The following OR51B5 variants were observed in gnomAD, a reference collection of about 807,000 sequenced individuals.
OR51B5 encodes olfactory receptor family 51 subfamily B member 5, also known as olfactory receptor 51B5.
For synonymous variants in OR51B5, 186 were observed against 144.8 expected (o/e 1.28, Z -2.04); for missense variants, 456 against 374.6 (o/e 1.22, Z -1.79).
chr11:5,374,929 A>G (rs1672232590), intron 1 of OR51B5, among the ~76,000 whole-genome samples: 2 of 152,012 alleles, frequency 1.3e-5, no homozygotes, highest in Non-Finnish European at 2.9e-5. Context: ...ATCCAGGAGA[A>G]CTTCCCCAAT....
chr11:5,350,757 T>C (rs534725730), intron 1 of OR51B5, among the ~76,000 whole-genome samples: 54 of 152,144 alleles, frequency 3.5e-4, no homozygotes, highest in Admixed American at 1.1e-3. Context: ...ATTATGAAAA[T>C]TTGAATTCTT....
At chr11:5,390,064 C>A in intron 1 of OR51B5, 2 of 1,613,724 alleles carry the variant, frequency 1.2e-6, no homozygotes, top group Non-Finnish European at 1.7e-6. Context: ...TGATGCTGGA[C>A]CTGGTGCTCA....
At chr11:5,442,377 T>A (rs1219315188) in intron 1 of OR51B5, among the ~76,000 whole-genome samples, 2 of 152,184 alleles carry the variant, frequency 1.3e-5, no homozygotes, top group East Asian at 3.9e-4. Flanking sequence ...AGAAAGAGAT[T>A]TCTCTCCTTC....
Position 5,375,120 on chromosome 11 carries a change from C to A in OR51B5, n.85-28210G>T, listed in dbSNP as rs1467158090. On this transcript the variant is annotated intron_variant and non_coding_transcript_variant, in intron 1 of 4. Transcript: ENST00000415970. Reference sequence around the variant, plus strand: ...TACCCACAAAGGGAAGCCCATCAGACTAACAGCAGCTCTCTTGGCAGAAAC... The same window carrying A: ...TACCCACAAAGGGAAGCCCATCAGAATAACAGCAGCTCTCTTGGCAGAAAC... Among the ~76,000 whole-genome samples, 23 of 148,732 alleles carry A rather than the reference C, an allele frequency of 1.5e-4. No homozygotes were observed. The South Asian group carries it at 1.5e-3, about 10-fold the overall frequency.
intron 1 of OR51B5, among the ~76,000 whole-genome samples, chr11:5,493,035 C>G (rs1298472349): frequency 6.6e-6 from 1 of 152,164 alleles, no homozygotes; most frequent in Non-Finnish European, 1.5e-5. Flanking sequence ...TTGAAAAATC[C>G]TACCGTTTGA....
At chr11:5,354,110 AATAAAT>A (rs1849148641) in intron 1 of OR51B5, among the ~76,000 whole-genome samples, 1 of 152,224 alleles carries the variant, frequency 6.6e-6, no homozygotes, top group Non-Finnish European at 1.5e-5. Flanking sequence ...CATTAAAATG[AATAAAT>A]AAAATTTAAA....
At chr11:5,497,922 C>T (rs1470497496) in intron 1 of OR51B5, among the ~76,000 whole-genome samples, 1 of 152,138 alleles carries the variant, frequency 6.6e-6, no homozygotes, top group African/African-American at 2.4e-5. Flanking sequence ...CAAGGAAATG[C>T]ATTTGACACG....
Position 5,489,331 on chromosome 11 carries a change from G to A in OR51B5, n.84+16238C>T, listed in dbSNP as rs139171219. On this transcript the variant is annotated intron_variant and non_coding_transcript_variant, in intron 1 of 4. Coordinates refer to the OR51B5 transcript ENST00000415970. ...CTATGGGCTAACTGTGGCTCTGCTG[G>A]CCATGGGACTGGATTCCATTCTCAT... 4.0e-5 allele frequency: 65 copies of A among 1,613,860 alleles called. No individual in the cohort carries two copies. The highest frequency in any genetic ancestry group is 5.4e-5 in the Non-Finnish European group (64 of 1,179,930).
At chr11:5,370,154 G>T (rs889429924) in intron 1 of OR51B5, among the ~76,000 whole-genome samples, 3 of 152,098 alleles carry the variant, frequency 2.0e-5, no homozygotes, top group Admixed American at 6.5e-5. Context: ...AGGCTACCAA[G>T]TTGTAATTTA....
intron 1 of OR51B5, among the ~76,000 whole-genome samples, chr11:5,364,423 G>A (rs1849335569): frequency 6.6e-6 from 1 of 152,106 alleles, no homozygotes; most frequent in South Asian, 2.1e-4. Context: ...TCTGTGACAG[G>A]ATATGAGAGC....
chr11:5,432,064 T>C (rs1850542688), intron 1 of OR51B5, among the ~76,000 whole-genome samples: 1 of 152,190 alleles, frequency 6.6e-6, no homozygotes, highest in South Asian at 2.1e-4. Flanking sequence ...CTTTGAAAAA[T>C]ATGCATTGTT....
At chr11:5,410,804 G>A (rs765685794) in intron 1 of OR51B5, among the ~76,000 whole-genome samples, 56 of 150,562 alleles carry the variant, frequency 3.7e-4, no homozygotes, top group Non-Finnish European at 6.2e-4. Flanking sequence ...GCTAATGTGT[G>A]TGTCCATGTC....
chr11:5,489,337 G>A, intron 1 of OR51B5: 1 of 1,613,992 alleles, frequency 6.2e-7, no homozygotes, highest in Non-Finnish European at 8.5e-7. Context: ...GCTGGCCATG[G>A]GACTGGATTC....
At chr11:5,348,548 G>A (rs976086097) in intron 1 of OR51B5, among the ~76,000 whole-genome samples, 7 of 152,118 alleles carry the variant, frequency 4.6e-5, no homozygotes, top group Non-Finnish European at 1.0e-4. Context: ...AGCTTGGACG[G>A]AGCTTGGGTT....
chr11:5,452,873 T>C (rs34864657), intron 1 of OR51B5, among the ~76,000 whole-genome samples: 1 of 152,228 alleles, frequency 6.6e-6, no homozygotes, highest in African/African-American at 2.4e-5. Context: ...ATTTCTGTTG[T>C]TGCTTTTTTG....
intron 1 of OR51B5, among the ~76,000 whole-genome samples, chr11:5,458,568 T>C (rs578220085): frequency 2.0e-5 from 3 of 152,330 alleles, no homozygotes; most frequent in South Asian, 2.1e-4. Flanking sequence ...TTTAACAAAA[T>C]TGATTCTTCC....
intron 1 of OR51B5, among the ~76,000 whole-genome samples, chr11:5,400,740 G>A (rs1206338261): frequency 6.6e-6 from 1 of 152,310 alleles, no homozygotes; most frequent in East Asian, 1.9e-4. Flanking sequence ...AAGTTGCAGA[G>A]ATTTTCTGAG....
At chr11:5,478,252 C>A (rs557061975) in intron 1 of OR51B5, among the ~76,000 whole-genome samples, 7 of 152,184 alleles carry the variant, frequency 4.6e-5, no homozygotes, top group Admixed American at 1.3e-4. Flanking sequence ...CAGGGGCATA[C>A]TGACACCTCA....
chr11:5,415,802 AG>A (rs1287696766), intron 1 of OR51B5, among the ~76,000 whole-genome samples: 3 of 152,212 alleles, frequency 2.0e-5, no homozygotes, highest in African/African-American at 7.2e-5. Flanking sequence ...CCAACTGAAA[AG>A]AGTCCAGAAC....
Sources: gnomAD v4.1 joint callset for allele counts (sites outside exome capture counted in the v4.1 genomes callset) on GRCh38, gnomAD v4.1.1 for gene constraint, MANE v1.5 for transcripts, NCBI Gene and HGNC (gene_info 2026-07-23, HGNC 2026-07-21) for gene names.